KRT75: variants seen among roughly 807,000 people sequenced by gnomAD.
KRT75 encodes keratin, type II cytoskeletal 75.
In KRT75, 35 loss-of-function variants were observed where a neutral mutation model predicts 48.8. That is an observed-to-expected ratio of 0.72 (90% CI 0.55 to 0.95). The LOEUF (loss-of-function observed/expected upper bound fraction) is 0.95. Ranked by LOEUF, KRT75 falls within the 40% of genes least tolerant of loss-of-function variation. The pLI is 0.00. For missense variants in KRT75, 776 were observed against 709.9 expected (o/e 1.09, Z -1.06); for synonymous variants, 301 against 282.3 (o/e 1.07, Z -0.66).
chr12:52,424,581 C>T lies in KRT75; in HGVS notation c.1592G>A (p.Gly531Asp), dbSNP rs1176166654. The change falls in exon 9 of 9, where the codon GGC (glycine) becomes GAC (aspartate). Residue 531 changes from glycine (G) to aspartate (D), a missense_variant. Coordinates refer to ENST00000252245, the MANE Select transcript of KRT75 (RefSeq NM_004693.3). ...FSATSNRGLG[G>D]SGSSVKFVST... ...GACAAACTTGACGCTAGAACCACTG[C>T]CCCCTAAGCCCCGGTTGCTGGTGGC... is the stretch of plus-strand genomic sequence containing the variant. The T allele has an allele frequency of 1.2e-6, 2 of 1,614,166 alleles. No homozygotes were observed. The highest frequency in any genetic ancestry group is 1.1e-5 in the South Asian group (1 of 91,078).
intron 5 of KRT75, 34 bp downstream of exon 5, chr12:52,430,507 C>T: frequency 6.2e-7 from 1 of 1,608,312 alleles, no homozygotes; most frequent in Non-Finnish European, 8.5e-7. Context: ...AGAACACTAA[C>T]CCTGGAACCT....
At chr12:52,428,831 A>T in intron 5 of KRT75, 88 bp from the exon 6 acceptor site, 5 of 1,539,360 alleles carry the variant, frequency 3.2e-6, no homozygotes, top group Non-Finnish European at 4.5e-6. Context: ...GGGTGCCACA[A>T]GCAGGCTCAT....
Position 52,424,695 on chromosome 12 carries a change from T to A in KRT75, c.1478A>T (p.Asn493Ile). Reference protein sequence around the residue: ...YGSGSSIGGGNLGLGGGSGYS... With the variant: ...YGSGSSIGGGILGLGGGSGYS... ...GCCGCTGCCCCCACCGAGGCCCAGG[T>A]TTCCACCTCCAATGCTGCTGCCGCT... The change falls in exon 9 of 9, where the codon AAC becomes ATC. Residue 493 changes from asparagine to isoleucine, a missense_variant. Transcript: ENST00000252245. 1 of 1,613,102 alleles carries A rather than the reference T, an allele frequency of 6.2e-7. No homozygotes were observed. The highest frequency in any genetic ancestry group is 8.5e-7 in the Non-Finnish European group (1 of 1,179,668).
intron 2 of KRT75, among the ~76,000 whole-genome samples, chr12:52,432,644 A>G (rs1940159684): frequency 6.6e-6 from 1 of 152,188 alleles, no homozygotes; most frequent in African/African-American, 2.4e-5. Flanking sequence ...GCCCTCCTTT[A>G]AACTCTTCCT....
chr12:52,424,455 TG>T lies in KRT75; in HGVS notation c.*61del, dbSNP rs1468766165. On this transcript the variant is annotated 3_prime_UTR_variant, in exon 9 of 9. Coordinates refer to ENST00000252245, the MANE Select transcript of KRT75 (RefSeq NM_004693.3). Reference sequence around the variant, plus strand: ...AAGGAGAGAGGAAGGAGGAGGACCCTGGTGTCCAGGTGTGACTGCAAACAGG... The same window carrying T: ...AAGGAGAGAGGAAGGAGGAGGACCCTGTGTCCAGGTGTGACTGCAAACAGG... The T allele has an allele frequency of 1.4e-6, 2 of 1,418,764 alleles. No individual in the cohort carries two copies. The highest frequency in any genetic ancestry group is 3.3e-5 in the Admixed American group (2 of 59,752). The allele number at this position is 1,418,764 out of a possible 1,614,324, so 87.9% of individuals were successfully genotyped here.
At chr12:52,426,938 C>T (rs1295186500) in intron 7 of KRT75, 87 bp from the exon 8 acceptor site, 2 of 1,137,968 alleles carry the variant, frequency 1.8e-6, no homozygotes, top group African/African-American at 3.0e-5. Flanking sequence ...TAATTGTTGA[C>T]AAAGCATTTA....
intron 7 of KRT75, among the ~76,000 whole-genome samples, chr12:52,427,211 C>A (rs554191569): frequency 6.6e-6 from 1 of 152,270 alleles, no homozygotes; most frequent in Non-Finnish European, 1.5e-5. Context: ...AACAAGGGAC[C>A]ATTGTCATGC....
rs144879206 is a variant in KRT75 at position 52,432,017 on chromosome 12, C to T, written c.763G>A (p.Ala255Thr). The change falls in exon 3 of 9, where the codon GCC becomes ACC. Residue 255 changes from alanine (A) to threonine (T), a missense_variant. By Grantham distance (58) the Ala-to-Thr change is moderately conservative. Coordinates refer to ENST00000252245, the MANE Select transcript of KRT75 (RefSeq NM_004693.3). ...ACATCCCCACTCACCTTTTTCAGGG[C>T]TACAAATTCATTCTCAGCAGCTGTG... The part of the protein sequence containing the change: ...KRTAAENEFV[A>T]LKKDVDAAYM... 1 of 1,614,080 alleles carries T rather than the reference C, an allele frequency of 6.2e-7. No homozygotes were observed. Among genetic ancestry groups the T allele is most frequent in the Admixed American group, 1.7e-5 (1 of 60,010 alleles).
At chr12:52,432,461 G>A (rs1233814689) in intron 2 of KRT75, among the ~76,000 whole-genome samples, 1 of 152,154 alleles carries the variant, frequency 6.6e-6, no homozygotes, top group Non-Finnish European at 1.5e-5. Flanking sequence ...CTGAACCTCA[G>A]GGTGGCCCCT....
Position 52,424,447 on chromosome 12 carries a change from G to A in KRT75, c.*70C>T, listed in dbSNP as rs1940051175. 1 of 1,350,558 alleles carries A rather than the reference G, an allele frequency of 7.4e-7. No individual in the cohort carries two copies. Among genetic ancestry groups the A allele is most frequent in the Non-Finnish European group, 1.1e-6 (1 of 939,760 alleles). 83.7% of individuals were successfully genotyped at this position (1,350,558 alleles called of 1,614,324 possible). On this transcript the variant is annotated 3_prime_UTR_variant, in exon 9 of 9. Coordinates refer to ENST00000252245, the MANE Select transcript of KRT75 (RefSeq NM_004693.3). ...CACCTTACAAGGAGAGAGGAAGGAG[G>A]AGGACCCTGGTGTCCAGGTGTGACT...
At chr12:52,425,745 C>G (rs1260806968) in intron 8 of KRT75, among the ~76,000 whole-genome samples, 2 of 152,204 alleles carry the variant, frequency 1.3e-5, no homozygotes, top group Admixed American at 1.3e-4. Context: ...GCATGATATA[C>G]AGAGCAGGAG....
rs570449519 is a variant in KRT75 at position 52,424,319 on chromosome 12, C to G, written c.*198G>C. The G allele has an allele frequency of 1.1e-5, 8 of 699,412 alleles. No homozygotes were observed. Among genetic ancestry groups the G allele is most frequent in the Admixed American group, 1.9e-5 (1 of 52,362 alleles). 43.3% of individuals were successfully genotyped at this position (699,412 alleles called of 1,614,324 possible). A position where few individuals can be genotyped will look rare whatever the true frequency, so the allele number is the denominator to read the frequency against. On this transcript the variant is annotated 3_prime_UTR_variant, in exon 9 of 9. Coordinates refer to ENST00000252245, the MANE Select transcript of KRT75 (RefSeq NM_004693.3). ...GCAGGCTTTGGTTTCACATGTGTAA[C>G]AGACGGGTGCTGCTGGCAGTCTGGG...
chr12:52,434,026 T>C lies in KRT75; in HGVS notation c.279A>G (p.Gly93=). The C allele has an allele frequency of 6.2e-7, 1 of 1,614,006 alleles. No individual in the cohort carries two copies. Among genetic ancestry groups the C allele is most frequent in the African/African-American group, 1.3e-5 (1 of 74,994 alleles). ...GFGGRASNRF[G]VNSGFGYGGG... Reference sequence around the variant, plus strand: ...CCCCATAGCCAAATCCACTGTTGACTCCAAACCTGTTGCTGGCCCTGCCAC... The same window carrying C: ...CCCCATAGCCAAATCCACTGTTGACCCCAAACCTGTTGCTGGCCCTGCCAC... Residue 93 remains glycine, a synonymous_variant, in exon 1 of 9, where the codon GGA becomes GGG. Coordinates refer to ENST00000252245, the MANE Select transcript of KRT75 (RefSeq NM_004693.3).
chr12:52,431,708 A>G lies in KRT75; in HGVS notation c.775-70T>C. 2.5e-6 allele frequency: 3 copies of G among 1,185,424 alleles called. No homozygotes were observed. The South Asian group carries it at 3.6e-5, about 14-fold the overall frequency. 73.4% of individuals were successfully genotyped at this position (1,185,424 alleles called of 1,614,324 possible). On this transcript the variant is annotated intron_variant, in intron 3 of 8. Transcript: ENST00000252245. The stretch of plus-strand genomic sequence containing the variant: ...GTATCTAGTCCAAAAGAAGCTGAGC[A>G]GATTTCTCCCCAGCCCATCTAGTTT...
At position 52,434,194 on chromosome 12, in the gene KRT75, C is replaced by A; in HGVS notation, c.111G>T (p.Val37=). 2 of 1,608,594 alleles carry A rather than the reference C, an allele frequency of 1.2e-6. No individual in the cohort carries two copies. Among genetic ancestry groups the A allele is most frequent in the Non-Finnish European group, 1.7e-6 (2 of 1,176,594 alleles). The change falls in exon 1 of 9, where the codon GTG becomes GTT. Residue 37 remains valine, a synonymous_variant. Coordinates refer to ENST00000252245, the MANE Select transcript of KRT75 (RefSeq NM_004693.3). ...AGRSRFSSVS[V]ARSAAGSGGL... ...CCCCACTCCCTGCTGCAGAGCGGGC[C>A]ACAGAGACAGAGCTGAAGCGGGAGC...
Position 52,434,185 on chromosome 12 carries a change from A to C in KRT75, c.120T>G (p.Ser40=). 6.2e-7 allele frequency: 1 copy of C among 1,610,596 alleles called. No individual in the cohort carries two copies. The highest frequency in any genetic ancestry group is 8.5e-7 in the Non-Finnish European group (1 of 1,177,804). Residue 40 remains serine (S), a synonymous_variant, in exon 1 of 9, where the codon TCT becomes TCG. Transcript: ENST00000252245. Reference sequence around the variant, plus strand: ...TTCCCAGGCCCCCACTCCCTGCTGCAGAGCGGGCCACAGAGACAGAGCTGA... The same window carrying C: ...TTCCCAGGCCCCCACTCCCTGCTGCCGAGCGGGCCACAGAGACAGAGCTGA... ...SRFSSVSVAR[S]AAGSGGLGRI...
At chr12:52,432,888 C>T (rs897849425) in intron 2 of KRT75, 150 bp downstream of exon 2, 24 of 749,968 alleles carry the variant, frequency 3.2e-5, no homozygotes, top group African/African-American at 1.7e-4. Flanking sequence ...TGTGCTACCC[C>T]ACACAGTGCT....
In KRT75 at chr12:52,433,260, G is replaced by T; in HGVS notation, c.499-8C>A. On this transcript the variant is annotated splice_polypyrimidine_tract_variant and splice_region_variant and intron_variant, in intron 1 of 8. Coordinates refer to ENST00000252245, the MANE Select transcript of KRT75 (RefSeq NM_004693.3). The stretch of plus-strand genomic sequence containing the variant: ...CTGCTCCAAGAACCTCACCTGGAGG[G>T]AAGAAGAGAGAATGAAACCTTGAGA... 6.2e-7 allele frequency: 1 copy of T among 1,610,170 alleles called. No homozygotes were observed. The highest frequency in any genetic ancestry group is 8.5e-7 in the Non-Finnish European group (1 of 1,176,662).
rs1177257723 is a variant in KRT75, at chr12:52,428,413, C to A, written c.1225G>T (p.Ala409Ser). The A allele has an allele frequency of 6.2e-7, 1 of 1,614,166 alleles. No homozygotes were observed. The highest frequency in any genetic ancestry group is 2.2e-5 in the East Asian group (1 of 44,860). Residue 409 changes from alanine to serine, a missense_variant, in exon 7 of 9, where the codon GCA (alanine) becomes TCA (serine). By Grantham distance (99) the Ala-to-Ser change is moderately conservative. Transcript: ENST00000252245. ...TCAAGGTCCACCAGCTTGGCCCGTGCATCCTTGAGAGCCAGTTCTCCCCGC... is the reference window on the plus strand; with the variant it reads ...TCAAGGTCCACCAGCTTGGCCCGTGAATCCTTGAGAGCCAGTTCTCCCCGC... The part of the protein sequence containing the change: ...EQRGELALKD[A>S]RAKLVDLEEA...
Sources: gnomAD v4.1 joint callset for allele counts (sites outside exome capture counted in the v4.1 genomes callset) on GRCh38, gnomAD v4.1.1 for gene constraint, MANE v1.5 for transcripts, NCBI Gene and HGNC (gene_info 2026-07-23, HGNC 2026-07-21) for gene names.